The following CDK14 variants were observed in gnomAD, a reference collection of about 807,000 sequenced individuals.
CDK14 encodes the protein cyclin-dependent kinase 14.
Under a neutral mutation model 60.7 loss-of-function variants are expected in CDK14, and 34 were observed. The ratio of observed to expected loss-of-function variants is 0.56; its 90% CI spans 0.43 to 0.75. The LOEUF is 0.75. CDK14 is among the 30% of genes least tolerant of loss of function. CDK14 has a pLI of 0.00. For synonymous variants in CDK14, 197 were observed against 203.7 expected, an observed-to-expected ratio of 0.97 and a Z score of 0.28; for missense variants, 482 against 564.1, an observed-to-expected ratio of 0.85 and a Z score of 1.47.
intron 5 of CDK14, among the ~76,000 whole-genome samples, chr7:90,809,142 C>A (rs1440743728): frequency 6.6e-6 from 1 of 152,164 alleles, no homozygotes; most frequent in East Asian, 1.9e-4. Context: ...CTACAGAACT[C>A]TCCACCCCAA....
intron 8 of CDK14, among the ~76,000 whole-genome samples, chr7:90,935,956 G>A (rs923611175): frequency 2.6e-5 from 4 of 151,750 alleles, no homozygotes; most frequent in East Asian, 1.9e-4. Context: ...TGAAGCAGGA[G>A]GATCAATAGA....
intron 12 of CDK14, among the ~76,000 whole-genome samples, chr7:91,083,508 G>A (rs1798539295): frequency 6.6e-6 from 1 of 152,154 alleles, no homozygotes; most frequent in African/African-American, 2.4e-5. Flanking sequence ...GTATTGTTTG[G>A]AGGCCCCCAA....
At chr7:90,705,200 A>G (rs1323023001) in intron 2 of CDK14, among the ~76,000 whole-genome samples, 3 of 152,020 alleles carry the variant, frequency 2.0e-5, no homozygotes, top group Non-Finnish European at 2.9e-5. Flanking sequence ...AAGCTAATTC[A>G]TAAAGTAGCT....
At chr7:90,781,688 G>A (rs1259748817) in intron 4 of CDK14, among the ~76,000 whole-genome samples, 1 of 151,162 alleles carries the variant, frequency 6.6e-6, no homozygotes, top group Non-Finnish European at 1.5e-5. Flanking sequence ...TTTCCCCATT[G>A]CTTGTTTTTC....
chr7:91,182,627 C>T (rs542862538), intron 14 of CDK14, among the ~76,000 whole-genome samples: 1 of 151,996 alleles, frequency 6.6e-6, no homozygotes, highest in South Asian at 2.1e-4. Context: ...TAAGCAAGTA[C>T]GTATCTATAT....
chr7:91,032,364 G>A (rs1275934622), intron 10 of CDK14, among the ~76,000 whole-genome samples: 3 of 152,076 alleles, frequency 2.0e-5, no homozygotes, highest in Admixed American at 2.0e-4. Context: ...TCTGTAGTAG[G>A]TTAAATAATG....
At chr7:90,895,315 T>C (rs995411089) in intron 6 of CDK14, among the ~76,000 whole-genome samples, 2 of 69,748 alleles carry the variant, frequency 2.9e-5, no homozygotes, top group South Asian at 5.6e-4. Flanking sequence ...TCTTTCCTCT[T>C]CTTTCCTCTC....
intron 10 of CDK14, among the ~76,000 whole-genome samples, chr7:91,017,006 C>G (rs891443700): frequency 6.6e-6 from 1 of 152,138 alleles, no homozygotes; most frequent in South Asian, 2.1e-4. Context: ...GGCAAAATTC[C>G]TATGGGGCTC....
intron 3 of CDK14, among the ~76,000 whole-genome samples, chr7:90,730,361 G>A (rs1802813949): frequency 1.3e-5 from 2 of 152,168 alleles, no homozygotes. Context: ...AATCCTTTGG[G>A]TATATACCCA....
chr7:90,633,928 A>T (rs996390608), intron 2 of CDK14, among the ~76,000 whole-genome samples: 3 of 152,210 alleles, frequency 2.0e-5, no homozygotes, highest in African/African-American at 7.2e-5. Flanking sequence ...TGTTGTGAAT[A>T]TATTTGTACT....
intron 10 of CDK14, among the ~76,000 whole-genome samples, chr7:90,999,296 C>T (rs999061279): frequency 1.3e-5 from 2 of 151,800 alleles, no homozygotes; most frequent in African/African-American, 4.8e-5. Flanking sequence ...GCATTAAAAA[C>T]CTGTCACCAG....
intron 14 of CDK14, among the ~76,000 whole-genome samples, chr7:91,126,421 GAAAA>G (rs1385568302): frequency 4.0e-5 from 6 of 151,820 alleles, no homozygotes; most frequent in Admixed American, 2.6e-4. Flanking sequence ...ATATGCCTGA[GAAAA>G]AAAGAGGTTC....
intron 14 of CDK14, among the ~76,000 whole-genome samples, chr7:91,119,648 G>T (rs1294776424): frequency 6.6e-6 from 1 of 152,158 alleles, no homozygotes; most frequent in Non-Finnish European, 1.5e-5. Context: ...ACATTGTCTT[G>T]TGGGTAATCT....
chr7:90,811,533 A>G (rs907893160), intron 5 of CDK14, among the ~76,000 whole-genome samples: 1 of 152,086 alleles, frequency 6.6e-6, no homozygotes, highest in African/African-American at 2.4e-5. Context: ...AACCTAGGCA[A>G]TACCATTCAG....
At chr7:91,159,826 T>C (rs987287077) in intron 14 of CDK14, among the ~76,000 whole-genome samples, 1 of 152,130 alleles carries the variant, frequency 6.6e-6, no homozygotes, top group African/African-American at 2.4e-5. Flanking sequence ...GGTATGGCCA[T>C]GGTGGTGTTT....
chr7:90,877,038 GT>G (rs1000839330), intron 6 of CDK14, among the ~76,000 whole-genome samples: 1 of 152,090 alleles, frequency 6.6e-6, no homozygotes, highest in Non-Finnish European at 1.5e-5. Flanking sequence ...CAATTGGCTG[GT>G]TAGTTGTTGG....
At chr7:91,077,743 TAC>T (rs36101608) in intron 11 of CDK14, among the ~76,000 whole-genome samples, 7,471 of 148,576 alleles carry the variant, frequency 0.05, 229 homozygotes, top group Admixed American at 0.1. Context: ...TTCACTTTTA[TAC>T]ACACACACAC....
At chr7:91,042,039 T>A (rs1797106712) in intron 10 of CDK14, among the ~76,000 whole-genome samples, 1 of 152,040 alleles carries the variant, frequency 6.6e-6, no homozygotes, top group African/African-American at 2.4e-5. Flanking sequence ...CACTCAGACA[T>A]CACAAAAAGG....
At chr7:90,682,335 T>C (rs1801333927) in intron 2 of CDK14, among the ~76,000 whole-genome samples, 1 of 152,204 alleles carries the variant, frequency 6.6e-6, no homozygotes, top group Non-Finnish European at 1.5e-5. Flanking sequence ...TAATTTAAAC[T>C]TGAAAACCTG....
Sources: allele counts gnomAD v4.1 joint callset (sites outside exome capture counted in the v4.1 genomes callset), GRCh38; gene constraint gnomAD v4.1.1; transcripts MANE v1.5; gene names NCBI Gene and HGNC (gene_info 2026-07-23, HGNC 2026-07-21).